Variants in PROCR observed in about 807,000 individuals in gnomAD.
PROCR encodes protein C receptor.
Under a neutral mutation model 24.2 loss-of-function variants are expected in PROCR, and 22 were observed. That is an observed-to-expected ratio of 0.91 (90% confidence interval 0.65 to 1.30). PROCR has a LOEUF of 1.30. PROCR is among the 50% of genes most tolerant of loss of function. The pLI is 0.00. For synonymous variants in PROCR, 137 were observed against 139.2 expected (o/e 0.98, Z 0.11); for missense variants, 288 against 307.7 (o/e 0.94, Z 0.48).
At chr20:35,188,270 G>C (rs1245771381) in intron 1 of PROCR, among the ~76,000 whole-genome samples, 6 of 152,152 alleles carry the variant, frequency 3.9e-5, no homozygotes, top group Non-Finnish European at 8.8e-5. Flanking sequence ...CCCAGGAACT[G>C]ATAGTCTAGA....
downstream of PROCR, among the ~76,000 whole-genome samples, chr20:35,181,456 G>T (rs1288215518): frequency 6.6e-6 from 1 of 151,620 alleles, no homozygotes; most frequent in Non-Finnish European, 1.5e-5. Flanking sequence ...TGTATTTTTA[G>T]TAGTGACGGG....
chr20:35,205,010 C>T (rs544635691), intron 1 of PROCR, among the ~76,000 whole-genome samples: 5 of 152,168 alleles, frequency 3.3e-5, no homozygotes, highest in Admixed American at 6.5e-5. Flanking sequence ...TGGTGGCTCA[C>T]GCCTGTAATC....
intron 1 of PROCR, among the ~76,000 whole-genome samples, chr20:35,199,961 A>G (rs1330698690): frequency 1.3e-5 from 2 of 152,200 alleles, no homozygotes; most frequent in East Asian, 3.8e-4. Context: ...TGACTTTGAG[A>G]GGTTCAAGTC....
At chr20:35,214,808 C>T (rs1164046007) in intron 1 of PROCR, among the ~76,000 whole-genome samples, 2 of 151,720 alleles carry the variant, frequency 1.3e-5, no homozygotes, top group African/African-American at 2.4e-5. Flanking sequence ...TGGGGCTGGA[C>T]ATTGAGACTG....
intron 1 of PROCR, among the ~76,000 whole-genome samples, chr20:35,183,645 C>T (rs1445304720): frequency 6.6e-6 from 1 of 152,122 alleles, no homozygotes; most frequent in East Asian, 1.9e-4. Flanking sequence ...CCTTTGTGTT[C>T]TAGGATTTAT....
chr20:35,193,688 T>C (rs2086192638), intron 1 of PROCR, among the ~76,000 whole-genome samples: 1 of 152,126 alleles, frequency 6.6e-6, no homozygotes. Flanking sequence ...AAGAAGCAGG[T>C]TTTGGTGGGA....
intron 1 of PROCR, among the ~76,000 whole-genome samples, chr20:35,213,676 C>G (rs2060370426): frequency 6.6e-6 from 1 of 151,730 alleles, no homozygotes; most frequent in East Asian, 1.9e-4. Flanking sequence ...GGAGAACATA[C>G]AATATTAAAG....
At chr20:35,208,579 G>A (rs574623726) in intron 1 of PROCR, among the ~76,000 whole-genome samples, 6 of 152,130 alleles carry the variant, frequency 3.9e-5, no homozygotes, top group African/African-American at 1.4e-4. Context: ...GCCCCCTACC[G>A]TGAACATAGC....
chr20:35,195,908 C>G (rs2086211918), intron 1 of PROCR, among the ~76,000 whole-genome samples: 1 of 150,766 alleles, frequency 6.6e-6, no homozygotes, highest in Non-Finnish European at 1.5e-5. Context: ...AGTCTGGGCA[C>G]AGTGGCTCAT....
At chr20:35,190,307 G>A (rs1030246146) in intron 1 of PROCR, among the ~76,000 whole-genome samples, 2 of 152,160 alleles carry the variant, frequency 1.3e-5, no homozygotes, top group Non-Finnish European at 2.9e-5. Flanking sequence ...CAGGGATATT[G>A]TACTGATTAC....
intron 1 of PROCR, among the ~76,000 whole-genome samples, chr20:35,197,093 C>T (rs942291835): frequency 1.3e-5 from 2 of 152,308 alleles, no homozygotes; most frequent in African/African-American, 4.8e-5. Context: ...TCTCTTGTAT[C>T]ACATTCTGGT....
At chr20:35,212,040 G>A (rs1600758051) in intron 1 of PROCR, among the ~76,000 whole-genome samples, 1 of 151,946 alleles carries the variant, frequency 6.6e-6, no homozygotes, top group Non-Finnish European at 1.5e-5. Context: ...AACAAACACT[G>A]TGATAAAGAG....
At chr20:35,198,624 G>A (rs1481618725) in intron 1 of PROCR, among the ~76,000 whole-genome samples, 1 of 152,078 alleles carries the variant, frequency 6.6e-6, no homozygotes. Flanking sequence ...ACAGAAGATC[G>A]AGCTAAGATC....
At chr20:35,190,731 C>T (rs2086166548) in intron 1 of PROCR, among the ~76,000 whole-genome samples, 1 of 152,186 alleles carries the variant, frequency 6.6e-6, no homozygotes, top group Admixed American at 6.5e-5. Flanking sequence ...AATAATGGAA[C>T]TGGCTGTTTC....
At chr20:35,209,741 G>C (rs1600756604) in intron 1 of PROCR, among the ~76,000 whole-genome samples, 1 of 152,132 alleles carries the variant, frequency 6.6e-6, no homozygotes, top group Non-Finnish European at 1.5e-5. Context: ...AAGAAATCAA[G>C]TGCAATGACT....
intron 1 of PROCR, among the ~76,000 whole-genome samples, chr20:35,214,240 A>T (rs2060372566): frequency 1.3e-5 from 2 of 152,234 alleles, no homozygotes; most frequent in South Asian, 4.1e-4. Context: ...GTGCATGCAC[A>T]CACATGTATT....
rs748732216 is a variant in PROCR, at chr20:35,172,118, C to G, written c.-37C>G. On this transcript the variant is annotated 5_prime_UTR_variant, in exon 1 of 4. Coordinates refer to ENST00000216968, the MANE Select transcript of PROCR (RefSeq NM_006404.5). ...CAGCCAGCGGAGCCCGCAGCCGGCC[C>G]GAGCCAGGAACCCAGGTCCGGAGCC... The G allele has an allele frequency of 9.3e-6, 15 of 1,610,186 alleles. No individual in the cohort carries two copies. The highest frequency in any genetic ancestry group is 1.3e-5 in the Non-Finnish European group (15 of 1,176,456).
chr20:35,199,232 C>A (rs1179452128), intron 1 of PROCR, among the ~76,000 whole-genome samples: 1 of 152,200 alleles, frequency 6.6e-6, no homozygotes, highest in Admixed American at 6.5e-5. Context: ...GACAGCATAT[C>A]TGTTCATAGC....
intron 1 of PROCR, among the ~76,000 whole-genome samples, chr20:35,214,628 G>A (rs2060374464): frequency 6.7e-6 from 1 of 150,004 alleles, no homozygotes; most frequent in Admixed American, 6.7e-5. Flanking sequence ...GGTGGAGGTT[G>A]CAGTGAGCCG....
Sources: allele counts gnomAD v4.1 joint callset (sites outside exome capture counted in the v4.1 genomes callset), GRCh38; gene constraint gnomAD v4.1.1; transcripts MANE v1.5; gene names NCBI Gene and HGNC (gene_info 2026-07-23, HGNC 2026-07-21).